The following COL5A2 variants were observed in gnomAD, a reference collection of about 807,000 sequenced individuals.
COL5A2 encodes the protein collagen alpha-2(V) chain.
Under a neutral mutation model 208.2 loss-of-function variants are expected in COL5A2, and 23 were observed. The observed-to-expected ratio is 0.11, with a 90% CI of 0.08 to 0.16. The LOEUF is 0.16. Ranked by LOEUF, COL5A2 falls within the 10% of genes least tolerant of loss-of-function variation. The pLI is 1.00. For synonymous variants in COL5A2, 625 were observed against 628.5 expected (o/e 0.99, Z 0.08); for missense variants, 1,590 against 1,956.4 (o/e 0.81, Z 3.53).
At chr2:189,309,175 G>A in the COL5A2 span, among the ~76,000 whole-genome samples, 236 of 152,262 alleles carry the variant, frequency 1.5e-3, no homozygotes, top group African/African-American at 5.2e-3. Context: ...TGATGGTCAG[G>A]TGATTGTTAC....
chr2:189,274,951 G>A, the COL5A2 span, among the ~76,000 whole-genome samples: 1 of 152,076 alleles, frequency 6.6e-6, no homozygotes, highest in African/African-American at 2.4e-5. Flanking sequence ...TTTAGTTTGT[G>A]TTTAATTATT....
chr2:189,193,889 G>A (rs1688961928), intron 1 of COL5A2, among the ~76,000 whole-genome samples: 1 of 152,092 alleles, frequency 6.6e-6, no homozygotes, highest in South Asian at 2.1e-4. Flanking sequence ...ATGCAATCAT[G>A]AGAATTCTCA....
At chr2:189,434,460 C>T in the COL5A2 span, among the ~76,000 whole-genome samples, 3 of 152,140 alleles carry the variant, frequency 2.0e-5, no homozygotes, top group African/African-American at 7.2e-5. Context: ...TCTCCTTAAG[C>T]TGATAAGCAA....
intron 36 of COL5A2, 27 bp from the exon 37 acceptor site, chr2:189,053,975 T>C (rs375982936): frequency 2.5e-6 from 4 of 1,610,090 alleles, no homozygotes; most frequent in South Asian, 1.1e-5. Flanking sequence ...AGATGGTTAC[T>C]GTCCAAAACA....
At chr2:189,408,296 C>T in the COL5A2 span, among the ~76,000 whole-genome samples, 1 of 152,182 alleles carries the variant, frequency 6.6e-6, no homozygotes, top group Non-Finnish European at 1.5e-5. Context: ...AATTCAGTCT[C>T]ACAGACATTA....
At chr2:189,094,216 T>C (rs1686850931) in intron 6 of COL5A2, among the ~76,000 whole-genome samples, 1 of 152,196 alleles carries the variant, frequency 6.6e-6, no homozygotes, top group Non-Finnish European at 1.5e-5. Flanking sequence ...TGAAATTTAC[T>C]GTTGCACAGA....
At chr2:189,238,822 C>T in the COL5A2 span, among the ~76,000 whole-genome samples, 1 of 152,130 alleles carries the variant, frequency 6.6e-6, no homozygotes, top group Admixed American at 6.6e-5. Flanking sequence ...CTACTCTCCA[C>T]CTGGTTTCTC....
chr2:189,152,008 C>T (rs1426432105), intron 1 of COL5A2, among the ~76,000 whole-genome samples: 2 of 152,088 alleles, frequency 1.3e-5, no homozygotes, highest in Non-Finnish European at 2.9e-5. Flanking sequence ...GTTTTTGAGT[C>T]AGTAGAGGGA....
upstream of COL5A2, among the ~76,000 whole-genome samples, chr2:189,180,800 T>C (rs1303923470): frequency 6.6e-6 from 1 of 152,192 alleles, no homozygotes; most frequent in Non-Finnish European, 1.5e-5. Flanking sequence ...AGGAAAATTA[T>C]CGATGAACTT....
the COL5A2 span, among the ~76,000 whole-genome samples, chr2:189,247,542 T>C: frequency 1.3e-5 from 2 of 151,688 alleles, no homozygotes; most frequent in Non-Finnish European, 2.9e-5. Context: ...ACAGATTACA[T>C]GGCATACCAG....
rs1488276227 is a variant in COL5A2 at position 189,068,080 on chromosome 2, C to A, written c.1336G>T (p.Ala446Ser). The A allele has an allele frequency of 6.2e-7, 1 of 1,613,920 alleles. No homozygotes were observed. The highest frequency in any genetic ancestry group is 8.5e-7 in the Non-Finnish European group (1 of 1,179,980). Residue 446 changes from alanine to serine, a missense_variant, in exon 21 of 54, where the codon GCA (alanine) becomes TCA (serine). Ala to Ser is a moderately conservative substitution (Grantham distance 99). Coordinates refer to ENST00000374866, the MANE Select transcript of COL5A2 (RefSeq NM_000393.5). ...GGTCCTGGAGATCCAGGAGGCCCTG[C>A]TGAGCCAGGAGGACCAGAGGTACCT... ...SPGTSGPPGS[A>S]GPPGSPGPQG...
At chr2:189,404,112 A>T in the COL5A2 span, among the ~76,000 whole-genome samples, 22 of 152,306 alleles carry the variant, frequency 1.4e-4, no homozygotes, top group East Asian at 2.9e-3. Flanking sequence ...ATGTAACATG[A>T]TCACATGAGT....
chr2:189,422,300 A>C, the COL5A2 span, among the ~76,000 whole-genome samples: 1 of 152,198 alleles, frequency 6.6e-6, no homozygotes, highest in Admixed American at 6.5e-5. Flanking sequence ...TTAACAAAAC[A>C]ATAAGTGACC....
intron 2 of COL5A2, among the ~76,000 whole-genome samples, chr2:189,107,486 A>C: frequency 6.6e-6 from 1 of 151,320 alleles, no homozygotes; most frequent in East Asian, 1.9e-4. Flanking sequence ...TTTTGGATTT[A>C]CATATTATTT....
intron 7 of COL5A2, among the ~76,000 whole-genome samples, chr2:189,090,507 T>C (rs1253479575): frequency 6.6e-6 from 1 of 152,236 alleles, no homozygotes; most frequent in Non-Finnish European, 1.5e-5. Flanking sequence ...AGACTTTCAA[T>C]GTACACAAAA....
the COL5A2 span, among the ~76,000 whole-genome samples, chr2:189,287,035 CT>C: frequency 6.6e-6 from 1 of 152,010 alleles, no homozygotes; most frequent in Non-Finnish European, 1.5e-5. Flanking sequence ...ATGGTTTATA[CT>C]TTTGAGACAA....
chr2:189,320,998 TG>T, the COL5A2 span, among the ~76,000 whole-genome samples: 2 of 152,140 alleles, frequency 1.3e-5, no homozygotes, highest in Non-Finnish European at 2.9e-5. Flanking sequence ...CAGAAGAGAG[TG>T]GGGGCCAATA....
upstream of COL5A2, among the ~76,000 whole-genome samples, chr2:189,180,811 T>C (rs945426169): frequency 1.2e-4 from 19 of 152,196 alleles, no homozygotes; most frequent in Non-Finnish European, 2.9e-5. Context: ...CGATGAACTT[T>C]TGTGCCACCC....
At chr2:189,036,505 A>T in intron 52 of COL5A2, 111 bp downstream of exon 52, 2 of 839,064 alleles carry the variant, frequency 2.4e-6, no homozygotes, top group Non-Finnish European at 3.7e-6. Context: ...CAAAATAAAC[A>T]TGGTAAAATA....
Sources: allele counts gnomAD v4.1 joint callset (sites outside exome capture counted in the v4.1 genomes callset), GRCh38; gene constraint gnomAD v4.1.1; transcripts MANE v1.5; gene names NCBI Gene and HGNC (gene_info 2026-07-23, HGNC 2026-07-21).